HOXA5: variants seen among roughly 807,000 people sequenced by gnomAD.
The protein encoded by HOXA5 is homeobox A5.
Under a neutral mutation model 20.0 loss-of-function variants are expected in HOXA5, and 12 were observed. That is an observed-to-expected ratio of 0.60 (90% CI 0.38 to 0.97). The LOEUF is 0.97. Among genes scored for constraint, HOXA5 ranks in the 50% least tolerant of loss-of-function variants. The pLI is 0.00. For synonymous variants in HOXA5, 159 were observed against 157.7 expected, an observed-to-expected ratio of 1.01 and a Z score of -0.06; for missense variants, 352 against 380.3, an observed-to-expected ratio of 0.93 and a Z score of 0.62.
At position 27,143,344 on chromosome 7, in the gene HOXA5, C is replaced by T. The variant is rs1782642505; in HGVS notation, c.264G>A (p.Gln88=). ...SAAPAEPRYS[Q]PATSTHSPQP... ...GAGGAGAGTGCGTGGACGTGGCCGG[C>T]TGGCTGTACCTGGGCTCGGCGGGCG... The change falls in exon 1 of 2, where the codon CAG becomes CAA. Residue 88 remains glutamine (Q), a synonymous_variant. Transcript: ENST00000222726. 3 of 1,593,530 alleles carry T rather than the reference C, an allele frequency of 1.9e-6. No individual in the cohort carries two copies. Among genetic ancestry groups the T allele is most frequent in the Non-Finnish European group, 1.7e-6 (2 of 1,172,602 alleles).
At position 27,143,486 on chromosome 7, in the gene HOXA5, T is replaced by C; in HGVS notation, c.122A>G (p.His41Arg). Residue 41 changes from histidine to arginine, a missense_variant, in exon 1 of 2, where the codon CAC becomes CGC. This residue lies in a region of HOXA5 where 319 missense variants were observed against 336.5 expected (regional missense o/e 0.95). Coordinates refer to ENST00000222726, the MANE Select transcript of HOXA5 (RefSeq NM_019102.4). ...SEQFRDSASM[H>R]SGRYGYGYNG... ...GTAGCCGTAGCCGTACCTGCCGGAG[T>C]GCATGCTCGCCGAGTCCCTGAATTG... 6.2e-7 allele frequency: 1 copy of C among 1,613,690 alleles called. No individual in the cohort carries two copies. The highest frequency in any genetic ancestry group is 8.5e-7 in the Non-Finnish European group (1 of 1,179,900).
chr7:27,141,718 G>A lies in HOXA5; in HGVS notation c.*117C>T. On this transcript the variant is annotated 3_prime_UTR_variant, in exon 2 of 2. Transcript: ENST00000222726. Reference sequence around the variant, plus strand: ...GCTCATGATTAAAAGATGAATTAGGGCAACGAGAACAGGGCTTCTTCACAG... The same window carrying A: ...GCTCATGATTAAAAGATGAATTAGGACAACGAGAACAGGGCTTCTTCACAG... 1.5e-6 allele frequency: 2 copies of A among 1,296,646 alleles called. No individual in the cohort carries two copies. Among genetic ancestry groups the A allele is most frequent in the Non-Finnish European group, 2.1e-6 (2 of 936,450 alleles). 80.3% of individuals were successfully genotyped at this position (1,296,646 alleles called of 1,614,324 possible). A position where few individuals can be genotyped will look rare whatever the true frequency, so the allele number is the denominator to read the frequency against.
At chr7:27,142,714 G>T in intron 1 of HOXA5, 1 of 332,612 alleles carries the variant, frequency 3.0e-6, no homozygotes, top group Non-Finnish European at 5.4e-6. Flanking sequence ...GGCTGCTACA[G>T]CCATCCTCTA....
chr7:27,143,574 G>T lies in HOXA5; in HGVS notation c.34C>A (p.Arg12Ser). Residue 12 changes from arginine to serine, a missense_variant, in exon 1 of 2, where the codon CGC becomes AGC. By Grantham distance (110) the Arg-to-Ser change is moderately radical. Transcript: ENST00000222726. ...SSYFVNSFCG[R>S]YPNGPDYQLH... Reference sequence around the variant, plus strand: ...TGGTAGTCCGGGCCATTTGGATAGCGACCGCAAAATGAGTTTACAAAATAA... The same window carrying T: ...TGGTAGTCCGGGCCATTTGGATAGCTACCGCAAAATGAGTTTACAAAATAA... 1.2e-6 allele frequency: 2 copies of T among 1,602,234 alleles called. No individual in the cohort carries two copies. Among genetic ancestry groups the T allele is most frequent in the African/African-American group, 1.3e-5 (1 of 74,250 alleles).
At position 27,141,801 on chromosome 7, in the gene HOXA5, C is replaced by A; in HGVS notation, c.*34G>T. The A allele has an allele frequency of 6.2e-7, 1 of 1,608,808 alleles. No homozygotes were observed. The highest frequency in any genetic ancestry group is 8.5e-7 in the Non-Finnish European group (1 of 1,177,706). On this transcript the variant is annotated 3_prime_UTR_variant, in exon 2 of 2. Coordinates refer to ENST00000222726, the MANE Select transcript of HOXA5 (RefSeq NM_019102.4). Reference sequence around the variant, plus strand: ...TAGTACTGACACTACGCGGGATCCGCTAATACTGCTCAGTACTTTAAACGC... The same window carrying A: ...TAGTACTGACACTACGCGGGATCCGATAATACTGCTCAGTACTTTAAACGC...
At position 27,143,128 on chromosome 7, in the gene HOXA5, C is replaced by A; in HGVS notation, c.480G>T (p.Ala160=). 1 of 1,606,854 alleles carries A rather than the reference C, an allele frequency of 6.2e-7. No homozygotes were observed. The highest frequency in any genetic ancestry group is 8.5e-7 in the Non-Finnish European group (1 of 1,177,628). Residue 160 remains alanine, a synonymous_variant, in exon 1 of 2, where the codon GCG becomes GCT. Transcript: ENST00000222726. ...EEDAPASSEQ[A]SAQSEPSPAP... is the part of the protein sequence containing the mutation. ...CCGGGCTCGGCTCGCTCTGCGCACT[C>A]GCCTGCTCGCTGCTGGCAGGGGCGT...
Position 27,141,833 on chromosome 7 carries a change from A to T in HOXA5, c.*2T>A, listed in dbSNP as rs17472021. 1.3e-3 allele frequency: 2,018 copies of T among 1,613,622 alleles called. 22 individuals carry two copies. The African/African-American group carries it at 0.022, about 18-fold the overall frequency. ...TGCTCAGTACTTTAAACGCTCAGATACTCAGGGACGGAAGGCCCCTCCTGC... is the reference window on the plus strand; with the variant it reads ...TGCTCAGTACTTTAAACGCTCAGATTCTCAGGGACGGAAGGCCCCTCCTGC... On this transcript the variant is annotated 3_prime_UTR_variant, in exon 2 of 2. Transcript: ENST00000222726.
In HOXA5 at chr7:27,141,606, A is replaced by T. The variant is rs1156546768; in HGVS notation, c.*229T>A. The T allele has an allele frequency of 4.8e-6, 2 of 420,204 alleles. No homozygotes were observed. The highest frequency in any genetic ancestry group is 3.8e-5 in the East Asian group (1 of 26,144). 26.0% of individuals were successfully genotyped at this position (420,204 alleles called of 1,614,324 possible). On this transcript the variant is annotated 3_prime_UTR_variant, in exon 2 of 2. Coordinates refer to ENST00000222726, the MANE Select transcript of HOXA5 (RefSeq NM_019102.4). Reference sequence around the variant, plus strand: ...TTCATATAAATAAGTTAAAACATCTATTTTTTTTCAAGACAAAGCCATTCA... The same window carrying T: ...TTCATATAAATAAGTTAAAACATCTTTTTTTTTTCAAGACAAAGCCATTCA...
At position 27,141,473 on chromosome 7, in the gene HOXA5, A is replaced by C. The variant is rs78899540; in HGVS notation, c.*362T>G. 7,921 of 206,864 alleles carry C rather than the reference A, an allele frequency of 0.038. 210 individuals are homozygous for C. The highest frequency in any genetic ancestry group is 0.054 in the Non-Finnish European group (5,531 of 101,790). The allele number at this position is 206,864 out of a possible 1,614,324, so 12.8% of individuals were successfully genotyped here. On this transcript the variant is annotated 3_prime_UTR_variant, in exon 2 of 2. Transcript: ENST00000222726. ...CGCACATGCACAGTTAAACAACTTG[A>C]GTGCAACACACAACATTGGCACTAA...
At position 27,141,837 on chromosome 7, in the gene HOXA5, A is replaced by T; in HGVS notation, c.811T>A (p.Ter271ArgextTer8). 6.2e-7 allele frequency: 1 copy of T among 1,613,864 alleles called. No homozygotes were observed. Among genetic ancestry groups the T allele is most frequent in the Non-Finnish European group, 8.5e-7 (1 of 1,179,996 alleles). ...CAGTACTTTAAACGCTCAGATACTC[A>T]GGGACGGAAGGCCCCTCCTGCCGCG... ...MAAAGGAFRP[*>R] Residue 271 changes from the stop codon to arginine (R), a stop_lost, in exon 2 of 2, where the codon TGA (stop) becomes AGA (arginine). Transcript: ENST00000222726.
In HOXA5 at chr7:27,142,383, C is replaced by T. The variant is rs187390446; in HGVS notation, c.563-298G>A. 2.6e-5 allele frequency among the ~76,000 whole-genome samples: 4 copies of T among 152,298 alleles called. No individual in the cohort carries two copies. In the East Asian group the frequency reaches 7.8e-4, roughly 30 times the overall value. ...TGCCCCGGGCGCCCCGATCGGGAGG[C>T]ACAGCCCTCCCAGGCTGCCCACCGC... On this transcript the variant is annotated intron_variant, in intron 1 of 1. Transcript: ENST00000222726.
Position 27,143,091 on chromosome 7 carries a change from G to C in HOXA5, c.517C>G (p.Gln173Glu). The change falls in exon 1 of 2, where the codon CAA becomes GAA. Residue 173 changes from glutamine to glutamate, a missense_variant. By Grantham distance (29) the Gln-to-Glu change is conservative. This residue lies in a region of HOXA5 where 319 missense variants were observed against 336.5 expected (regional missense o/e 0.95). Transcript: ENST00000222726. The part of the protein sequence containing the change: ...QSEPSPAPPA[Q>E]PQIYPWMRKL... ...CGCATCCAGGGGTAGATCTGGGGTT[G>C]GGCGGGCGGCGCCGGGCTCGGCTCG... 6.4e-7 allele frequency: 1 copy of C among 1,556,302 alleles called. No homozygotes were observed. Among genetic ancestry groups the C allele is most frequent in the Non-Finnish European group, 8.6e-7 (1 of 1,157,054 alleles).
At position 27,143,557 on chromosome 7, in the gene HOXA5, C is replaced by T. The variant is rs1782651902; in HGVS notation, c.51G>A (p.Pro17=). The part of the protein sequence containing the change: ...NSFCGRYPNG[P]DYQLHNYGDH... ...CTCCATAATTATGCAACTGGTAGTC[C>T]GGGCCATTTGGATAGCGACCGCAAA... Residue 17 remains proline (P), a synonymous_variant, in exon 1 of 2, where the codon CCG becomes CCA. Coordinates refer to ENST00000222726, the MANE Select transcript of HOXA5 (RefSeq NM_019102.4). The T allele has an allele frequency of 6.2e-7, 1 of 1,607,912 alleles. No individual in the cohort carries two copies. Among genetic ancestry groups the T allele is most frequent in the African/African-American group, 1.3e-5 (1 of 74,480 alleles).
Position 27,143,400 on chromosome 7 carries a change from C to T in HOXA5, c.208G>A (p.Ala70Thr). Residue 70 changes from alanine (A) to threonine (T), a missense_variant, in exon 1 of 2, where the codon GCC becomes ACC. Ala to Thr is a moderately conservative substitution (Grantham distance 58). Coordinates refer to ENST00000222726, the MANE Select transcript of HOXA5 (RefSeq NM_019102.4). Reference sequence around the variant, plus strand: ...CTGGCGCTGGCAGCGTAGCTGCGGGCGCGCTCTCCGGAGCCAAAGTGGCCG... The same window carrying T: ...CTGGCGCTGGCAGCGTAGCTGCGGGTGCGCTCTCCGGAGCCAAAGTGGCCG... ...GSGHFGSGERARSYAASASAA... is the reference protein window; with the variant it reads ...GSGHFGSGERTRSYAASASAA... The T allele has an allele frequency of 6.2e-7, 1 of 1,607,696 alleles. No individual in the cohort carries two copies. Among genetic ancestry groups the T allele is most frequent in the African/African-American group, 1.3e-5 (1 of 74,852 alleles).
chr7:27,142,647 C>T (rs1782612351), intron 1 of HOXA5: 1 of 215,868 alleles, frequency 4.6e-6, no homozygotes, highest in African/African-American at 2.3e-5. Context: ...ATTAGTAACG[C>T]TGTTTCCCCA....
Position 27,141,542 on chromosome 7 carries a change from T to G in HOXA5, c.*293A>C. 3.8e-6 allele frequency: 1 copy of G among 265,940 alleles called. No homozygotes were observed. The highest frequency in any genetic ancestry group is 7.1e-6 in the Non-Finnish European group (1 of 140,254). The allele number at this position is 265,940 out of a possible 1,614,324, so 16.5% of individuals were successfully genotyped here. ...TTTTTGTGTGTTTTTTTTTCTCTTT[T>G]CTTTTTTTGTTATAGTTACTTCAAG... On this transcript the variant is annotated 3_prime_UTR_variant, in exon 2 of 2. Coordinates refer to ENST00000222726, the MANE Select transcript of HOXA5 (RefSeq NM_019102.4).
At chr7:27,142,811 T>C (rs146559230) in intron 1 of HOXA5, 9,421 of 457,552 alleles carry the variant, frequency 0.021, 136 homozygotes, top group South Asian at 0.031. Context: ...TCCTCCCCCT[T>C]CCAACGTCTA....
chr7:27,142,159 C>A, intron 1 of HOXA5, 74 bp from the exon 2 acceptor site: 1 of 1,525,200 alleles, frequency 6.6e-7, no homozygotes, highest in South Asian at 1.2e-5. Context: ...AAGCTTGGGT[C>A]ATGAGCAGGG....
In HOXA5 at chr7:27,143,520, C is replaced by A. The variant is rs145906139; in HGVS notation, c.88G>T (p.Val30Leu). 4.3e-6 allele frequency: 7 copies of A among 1,613,772 alleles called. No individual in the cohort carries two copies. Among genetic ancestry groups the A allele is most frequent in the Middle Eastern group, 1.6e-4 (1 of 6,062 alleles). Residue 30 changes from valine (V) to leucine (L), a missense_variant, in exon 1 of 2, where the codon GTG (valine) becomes TTG (leucine). This residue lies in a region of HOXA5 where 319 missense variants were observed against 336.5 expected (regional missense o/e 0.95). Transcript: ENST00000222726. ...GCCGAGTCCCTGAATTGCTCGCTCA[C>A]GGAACTATGATCTCCATAATTATGC... ...QLHNYGDHSS[V>L]SEQFRDSASM...
Sources: gnomAD v4.1 joint callset for allele counts (sites outside exome capture counted in the v4.1 genomes callset) on GRCh38, gnomAD v4.1.1 for gene constraint, gnomAD v4.1.1 regional missense constraint, MANE v1.5 for transcripts, NCBI Gene and HGNC (gene_info 2026-07-23, HGNC 2026-07-21) for gene names.